CTNNA1: variants seen among roughly 807,000 people sequenced by gnomAD.
CTNNA1 encodes the protein catenin alpha-1.
In CTNNA1, 37 loss-of-function variants were observed where a neutral mutation model predicts 98.4. That is an observed-to-expected ratio of 0.38 (90% CI 0.29 to 0.49). CTNNA1 has a LOEUF of 0.49. Ranked by LOEUF, CTNNA1 falls within the 20% of genes least tolerant of loss-of-function variation. The pLI, the probability that CTNNA1 is intolerant of heterozygous loss-of-function variation, is 0.95. For missense variants in CTNNA1, 761 were observed against 1,147.2 expected, an observed-to-expected ratio of 0.66 and a Z score of 4.86; for synonymous variants, 404 against 413.2, an observed-to-expected ratio of 0.98 and a Z score of 0.27.
intron 1 of CTNNA1, among the ~76,000 whole-genome samples, chr5:138,757,070 C>T (rs1484033476): frequency 6.6e-6 from 1 of 151,748 alleles, no homozygotes; most frequent in Non-Finnish European, 1.5e-5. Flanking sequence ...GTGACACGCT[C>T]TGTAGTCCCA....
chr5:138,904,460 T>A lies in CTNNA1; in HGVS notation c.1389+19T>A. 1 of 1,604,256 alleles carries A rather than the reference T, an allele frequency of 6.2e-7. No individual in the cohort carries two copies. The highest frequency in any genetic ancestry group is 8.5e-7 in the Non-Finnish European group (1 of 1,176,404). On this transcript the variant is annotated intron_variant, in intron 10 of 17. Transcript: ENST00000302763. ...TCCTCAGGTAAAGTACAACTGACAC[T>A]GGTGACAGCATAACCAAATTAAATT...
At chr5:138,932,247 G>A in intron 16 of CTNNA1, 2 of 1,108,794 alleles carry the variant, frequency 1.8e-6, no homozygotes, top group Non-Finnish European at 2.2e-6. Flanking sequence ...CCTCCACCCT[G>A]CCGTTTGGGG....
intron 7 of CTNNA1, among the ~76,000 whole-genome samples, chr5:138,852,871 G>GTGCACACACACACGCGCGCGCGCA (rs1554089809): frequency 2.6e-5 from 4 of 151,358 alleles, no homozygotes; most frequent in South Asian, 2.1e-4. Flanking sequence ...GCGCGCGCGC[G>GTGCACACACACACGCGCGCGCGCA]CACACACACA....
intron 7 of CTNNA1, among the ~76,000 whole-genome samples, chr5:138,861,576 C>A (rs770498709): frequency 6.6e-6 from 1 of 152,166 alleles, no homozygotes; most frequent in Non-Finnish European, 1.5e-5. Flanking sequence ...AATTCACATT[C>A]CCCACTCCCA....
At chr5:138,864,025 C>T (rs1351912149) in intron 7 of CTNNA1, among the ~76,000 whole-genome samples, 1 of 152,140 alleles carries the variant, frequency 6.6e-6, no homozygotes, top group Non-Finnish European at 1.5e-5. Context: ...TGCAGTGGCA[C>T]GATCTTGGCT....
chr5:138,873,073 G>T lies in CTNNA1; in HGVS notation c.1063-13139G>T, dbSNP rs1204925299. 1 of 1,613,866 alleles carries T rather than the reference G, an allele frequency of 6.2e-7. No individual in the cohort carries two copies. Among genetic ancestry groups the T allele is most frequent in the Non-Finnish European group, 8.5e-7 (1 of 1,179,808 alleles). ...TGCACTGTCCATAACCATTAATGAT[G>T]ATGAAGGGTCCTTCATGGGTGGGTT... On this transcript the variant is annotated intron_variant, in intron 7 of 17. Transcript: ENST00000302763. This position sits in a 1 kb window ranked among gnomAD's most constrained non-coding sequence, Gnocchi z 6.1.
intron 9 of CTNNA1, among the ~76,000 whole-genome samples, chr5:138,897,755 C>A (rs1188917785): frequency 6.6e-6 from 1 of 152,102 alleles, no homozygotes; most frequent in African/African-American, 2.4e-5. Flanking sequence ...AATTGTCTTA[C>A]ATGTGTTCTA....
rs1254661770 is a variant in CTNNA1, at chr5:138,824,475, T to C, written c.589-55T>C. ...CAGCATTTACCAGCAAATTTTTATA[T>C]GAGTAAAGCCCATATAAAGAGTGCT... On this transcript the variant is annotated intron_variant, in intron 5 of 17. Transcript: ENST00000302763. 4 of 1,549,994 alleles carry C rather than the reference T, an allele frequency of 2.6e-6. No individual in the cohort carries two copies. The African/African-American group carries it at 5.5e-5, about 21-fold the overall frequency.
rs959903999 is a variant in CTNNA1 at position 138,879,115 on chromosome 5, C to G, written c.1063-7097C>G. Among the ~76,000 whole-genome samples the G allele has an allele frequency of 2.2e-5, 3 of 133,492 alleles. No individual in the cohort carries two copies. In the East Asian group the frequency reaches 6.5e-4, roughly 29 times the overall value. The allele number at this position is 133,492 out of a possible 152,430, so 87.6% of individuals were successfully genotyped here. A position where few individuals can be genotyped will look rare whatever the true frequency, so the allele number is the denominator to read the frequency against. On this transcript the variant is annotated intron_variant, in intron 7 of 17. Transcript: ENST00000302763. ...ATCCTAGCTACTCAGGAAGCGGAGGCAGGAGAATCGCTTGAACCAGGTGGC... is the reference window on the plus strand; with the variant it reads ...ATCCTAGCTACTCAGGAAGCGGAGGGAGGAGAATCGCTTGAACCAGGTGGC...
intron 3 of CTNNA1, among the ~76,000 whole-genome samples, chr5:138,786,351 A>G (rs949680514): frequency 6.6e-6 from 1 of 152,244 alleles, no homozygotes; most frequent in Non-Finnish European, 1.5e-5. Flanking sequence ...AGAACAAAAT[A>G]CATATTACAA....
intron 7 of CTNNA1, among the ~76,000 whole-genome samples, chr5:138,836,833 C>CTAAATTACTAA (rs1265565196): frequency 1.3e-5 from 2 of 152,152 alleles, no homozygotes; most frequent in African/African-American, 4.8e-5. Flanking sequence ...CTAAATATAT[C>CTAAATTACTAA]AGATTATTAG....
At position 138,934,105 on chromosome 5, in the gene CTNNA1, C is replaced by T. The variant is rs777741417; in HGVS notation, c.*16C>T. ...CAGCATCTAAGTCTGCCCAGGCCGG[C>T]CGCCCCCACCCCTCGGGGCTCCTGA... On this transcript the variant is annotated 3_prime_UTR_variant, in exon 18 of 18. Transcript: ENST00000302763. The T allele has an allele frequency of 6.3e-7, 1 of 1,597,688 alleles. No homozygotes were observed. Among genetic ancestry groups the T allele is most frequent in the Non-Finnish European group, 8.5e-7 (1 of 1,171,058 alleles).
intron 3 of CTNNA1, among the ~76,000 whole-genome samples, chr5:138,786,657 G>A (rs1378671339): frequency 1.3e-5 from 2 of 152,188 alleles, no homozygotes; most frequent in Admixed American, 6.5e-5. Context: ...GAAGCTGGCT[G>A]CTATGTCTTG....
chr5:138,894,225 G>A (rs1202945552), intron 9 of CTNNA1, among the ~76,000 whole-genome samples: 1 of 149,454 alleles, frequency 6.7e-6, no homozygotes, highest in African/African-American at 2.5e-5. Flanking sequence ...GGCCTCTGAT[G>A]TTTAAAAAAT....
At chr5:138,769,504 T>C (rs1753289639) in intron 1 of CTNNA1, among the ~76,000 whole-genome samples, 1 of 151,990 alleles carries the variant, frequency 6.6e-6, no homozygotes. Context: ...TTCTCCTGCC[T>C]CAGCCTCCCG....
intron 11 of CTNNA1, among the ~76,000 whole-genome samples, chr5:138,921,147 T>C (rs1762834912): frequency 6.6e-6 from 1 of 152,220 alleles, no homozygotes; most frequent in Non-Finnish European, 1.5e-5. Context: ...AATATATTTA[T>C]ATTGACCAAT....
intron 7 of CTNNA1, chr5:138,869,347 C>T (rs1303936497): frequency 6.7e-6 from 1 of 149,892 alleles, no homozygotes; most frequent in East Asian, 1.9e-4. Context: ...ATTTAATTAT[C>T]TATAGATGGC....
At chr5:138,802,514 T>A (rs1435697142) in intron 3 of CTNNA1, among the ~76,000 whole-genome samples, 1 of 152,122 alleles carries the variant, frequency 6.6e-6, no homozygotes, top group African/African-American at 2.4e-5. Context: ...AAATTTATTT[T>A]TTTCTTTTCT....
intron 3 of CTNNA1, among the ~76,000 whole-genome samples, chr5:138,785,064 A>AT (rs34811565): frequency 0.71 from 99,714 of 140,372 alleles, 35,524 homozygotes; most frequent in East Asian, 0.99. Flanking sequence ...TAATTAATTA[A>AT]TTTTTTTTTT....
Sources: allele counts gnomAD v4.1 joint callset (sites outside exome capture counted in the v4.1 genomes callset), GRCh38; gene constraint gnomAD v4.1.1; non-coding constraint Gnocchi (gnomAD v3.1); transcripts MANE v1.5; gene names NCBI Gene and HGNC (gene_info 2026-07-23, HGNC 2026-07-21).